SCGB2B2: variants seen among roughly 807,000 people sequenced by gnomAD.
SCGB2B2 encodes secretoglobin-like protein.
SCGB2B2 carries 11 observed loss-of-function variants against 7.6 expected under a neutral mutation model. The ratio of observed to expected loss-of-function variants is 1.45; its 90% CI spans 0.91 to 2.40. SCGB2B2 has a LOEUF of 2.40. SCGB2B2 is among the 30% of genes most tolerant of loss of function. SCGB2B2 has a pLI of 0.00. For missense variants in SCGB2B2, 104 were observed against 115.4 expected (o/e 0.90, Z 0.45); for synonymous variants, 50 against 48.6 (o/e 1.03, Z -0.12).
chr19:34,587,697 C>T (rs2065212334), downstream of SCGB2B2, among the ~76,000 whole-genome samples: 1 of 152,144 alleles, frequency 6.6e-6, no homozygotes, highest in Admixed American at 6.5e-5. Context: ...TTGTGTTGGG[C>T]TACATTCCTT....
chr19:34,640,476 C>A (rs2066810073), intron 1 of SCGB2B2: 1 of 152,084 alleles, frequency 6.6e-6, no homozygotes, highest in Admixed American at 6.5e-5. Context: ...AGTGCTGTAT[C>A]TACACTTCCC....
chr19:34,636,264 C>G (rs146638961), intron 1 of SCGB2B2, among the ~76,000 whole-genome samples: 1 of 152,144 alleles, frequency 6.6e-6, no homozygotes. Flanking sequence ...AATGCAGGAA[C>G]AAGTACACAG....
At chr19:34,647,924 G>A (rs775250051) in intron 1 of SCGB2B2, among the ~76,000 whole-genome samples, 3 of 152,222 alleles carry the variant, frequency 2.0e-5, no homozygotes, top group Non-Finnish European at 2.9e-5. Flanking sequence ...GCCACCAGGT[G>A]AAGGTCTGGG....
Position 34,656,754 on chromosome 19 carries a change from C to T in SCGB2B2, c.-2032+18876G>A, listed in dbSNP as rs892398690. Among the ~76,000 whole-genome samples, 7 of 150,972 alleles carry T rather than the reference C, an allele frequency of 4.6e-5. 1 individual carries two copies. The highest frequency in any genetic ancestry group is 1.5e-4 in the African/African-American group (6 of 40,422). ...CTTTAGAATCTGAACGAAGGGTAAC[C>T]AGAAATACTTTTAAAATGTTGTATA... is the stretch of plus-strand genomic sequence containing the variant. On this transcript the variant is annotated intron_variant, in intron 1 of 3. Transcript: ENST00000601241.
chr19:34,616,923 C>A (rs1448089216), intron 1 of SCGB2B2, among the ~76,000 whole-genome samples: 2 of 152,166 alleles, frequency 1.3e-5, no homozygotes, highest in Non-Finnish European at 2.9e-5. Context: ...GTTTTCCCAG[C>A]ACCATTTATT....
Position 34,594,344 on chromosome 19 carries a change from T to C in SCGB2B2, c.77A>G (p.Asp26Gly), listed in dbSNP as rs768965453. 1.2e-6 allele frequency: 2 copies of C among 1,613,974 alleles called. No individual in the cohort carries two copies. The highest frequency in any genetic ancestry group is 1.7e-6 in the Non-Finnish European group (2 of 1,179,926). ...AACATTCGCAAGCAGTTTATCGATA[T>C]CCAGGCAGGCATCCCCTGTGGAGGA... is the stretch of plus-strand genomic sequence containing the variant. ...CSVQLGDACLDIDKLLANVVF... is the reference protein window; with the variant it reads ...CSVQLGDACLGIDKLLANVVF... Residue 26 changes from aspartate (D) to glycine (G), a missense_variant, in exon 3 of 4, where the codon GAT (aspartate) becomes GGT (glycine). Asp to Gly is a moderately conservative substitution (Grantham distance 94). Transcript: ENST00000601241.
chr19:34,612,590 T>C (rs1325916093), intron 1 of SCGB2B2, among the ~76,000 whole-genome samples: 1 of 152,222 alleles, frequency 6.6e-6, no homozygotes, highest in Non-Finnish European at 1.5e-5. Context: ...CCTTATTCAT[T>C]CTTTTTTAAA....
At chr19:34,668,385 G>A (rs1454604712) in intron 1 of SCGB2B2, among the ~76,000 whole-genome samples, 2 of 152,218 alleles carry the variant, frequency 1.3e-5, no homozygotes, top group Admixed American at 6.5e-5. Context: ...GCTGCCTTCC[G>A]GCGGGGCAGG....
intron 1 of SCGB2B2, among the ~76,000 whole-genome samples, chr19:34,658,917 G>A (rs1162223177): frequency 6.6e-6 from 1 of 151,508 alleles, no homozygotes; most frequent in Non-Finnish European, 1.5e-5. Context: ...GAATCCAGCA[G>A]CACATCAAAA....
chr19:34,594,098 G>A, intron 3 of SCGB2B2, 77 bp downstream of exon 3: 1 of 1,187,408 alleles, frequency 8.4e-7, no homozygotes, highest in Non-Finnish European at 1.2e-6. Flanking sequence ...AAAGCAGGAT[G>A]GAAGGCAAGT....
intron 1 of SCGB2B2, among the ~76,000 whole-genome samples, chr19:34,628,148 A>G (rs1187004078): frequency 6.6e-6 from 1 of 152,226 alleles, no homozygotes; most frequent in African/African-American, 2.4e-5. Flanking sequence ...TTATAGCACT[A>G]AATGCCCACA....
At chr19:34,620,410 G>C (rs1004503338) in intron 1 of SCGB2B2, among the ~76,000 whole-genome samples, 1 of 151,226 alleles carries the variant, frequency 6.6e-6, no homozygotes, top group Non-Finnish European at 1.5e-5. Context: ...CCATCATTCT[G>C]AGCAAACTAT....
chr19:34,598,146 G>A (rs759305104), intron 1 of SCGB2B2, among the ~76,000 whole-genome samples: 19 of 152,192 alleles, frequency 1.2e-4, no homozygotes, highest in Admixed American at 5.9e-4. Context: ...TCGGGGCTAG[G>A]AATTCTCAGA....
At chr19:34,640,273 T>C (rs930887901) in intron 1 of SCGB2B2, 3 of 152,094 alleles carry the variant, frequency 2.0e-5, no homozygotes, top group African/African-American at 4.8e-5. Context: ...TAATTTTTAA[T>C]TTCTCTTTTT....
At chr19:34,654,715 G>T (rs2067239775) in intron 1 of SCGB2B2, among the ~76,000 whole-genome samples, 1 of 150,556 alleles carries the variant, frequency 6.6e-6, no homozygotes. Flanking sequence ...CAAAAAGACA[G>T]CTTCAACTCT....
chr19:34,589,473 G>A (rs1161094864), downstream of SCGB2B2, among the ~76,000 whole-genome samples: 2 of 152,184 alleles, frequency 1.3e-5, no homozygotes, highest in Admixed American at 1.3e-4. Context: ...GCATTAAAAT[G>A]TCCCTGTGCC....
chr19:34,650,913 G>A (rs2067146357), intron 1 of SCGB2B2, among the ~76,000 whole-genome samples: 1 of 151,258 alleles, frequency 6.6e-6, no homozygotes, highest in African/African-American at 2.5e-5. Flanking sequence ...CCATGACCAA[G>A]TGGGATTCAA....
At chr19:34,662,282 G>A (rs1354261409) in intron 1 of SCGB2B2, among the ~76,000 whole-genome samples, 1 of 152,010 alleles carries the variant, frequency 6.6e-6, no homozygotes, top group Non-Finnish European at 1.5e-5. Context: ...TGGGACAGCA[G>A]GGAATCTATA....
intron 1 of SCGB2B2, among the ~76,000 whole-genome samples, chr19:34,645,154 G>T (rs1034904358): frequency 1.3e-5 from 2 of 152,050 alleles, no homozygotes; most frequent in East Asian, 3.9e-4. Flanking sequence ...GACAATAAAC[G>T]CACAGGCAAA....
Sources: allele counts gnomAD v4.1 joint callset (sites outside exome capture counted in the v4.1 genomes callset), GRCh38; gene constraint gnomAD v4.1.1; transcripts MANE v1.5; gene names NCBI Gene and HGNC (gene_info 2026-07-23, HGNC 2026-07-21).